The following USP16 variants were observed in gnomAD, a reference collection of about 807,000 sequenced individuals.
USP16 encodes ubiquitin specific peptidase 16.
In USP16, 77 loss-of-function variants were observed where a neutral mutation model predicts 95.9. The observed-to-expected ratio is 0.80, with a 90% CI of 0.67 to 0.97. The LOEUF (loss-of-function observed/expected upper bound fraction) is 0.97, where lower values mean the gene tolerates loss of function less well. USP16 is among the 50% of genes least tolerant of loss of function. The pLI is 0.00. For synonymous variants in USP16, 303 were observed against 318.2 expected (o/e 0.95, Z 0.51); for missense variants, 943 against 959.9 (o/e 0.98, Z 0.23).
At chr21:29,045,975 A>G (rs1482992962) in intron 13 of USP16, among the ~76,000 whole-genome samples, 1 of 152,008 alleles carries the variant, frequency 6.6e-6, no homozygotes, top group East Asian at 1.9e-4. Context: ...TGTGCATTAC[A>G]GGCACGCCTG....
At chr21:29,046,313 T>G (rs2085322482) in intron 13 of USP16, among the ~76,000 whole-genome samples, 1 of 152,114 alleles carries the variant, frequency 6.6e-6, no homozygotes, top group Admixed American at 6.5e-5. Context: ...ATTTTTATTT[T>G]TATTTTTTTT....
At chr21:29,024,903 C>T in intron 1 of USP16, 126 bp downstream of exon 1, 1 of 1,027,420 alleles carries the variant, frequency 9.7e-7, no homozygotes. Flanking sequence ...CGTAACCCGG[C>T]TACTTTCCGG....
chr21:29,044,880 T>A (rs932337687), intron 13 of USP16, among the ~76,000 whole-genome samples: 1 of 152,196 alleles, frequency 6.6e-6, no homozygotes, highest in Admixed American at 6.5e-5. Flanking sequence ...TGGTGAGTGC[T>A]CTAGTGAATA....
intron 12 of USP16, chr21:29,043,199 T>G (rs944649566): frequency 3.2e-6 from 1 of 312,852 alleles, no homozygotes; most frequent in East Asian, 5.0e-5. Flanking sequence ...TTACATGTGA[T>G]GTTGCCTTTT....
Position 29,047,299 on chromosome 21 carries a change from T to A in USP16, c.1989T>A (p.Asn663Lys). Residue 663 changes from asparagine to lysine, a missense_variant, in exon 14 of 18, where the codon AAT (asparagine) becomes AAA (lysine). By Grantham distance (94) the Asn-to-Lys change is moderately conservative. Coordinates refer to ENST00000399976, the MANE Select transcript of USP16 (RefSeq NM_006447.3). The stretch of plus-strand genomic sequence containing the variant: ...AAGTATGCACACGGAGACAGTGTAA[T>A]GGACCAAAGGCAAATATAAAAGGTA... Reference protein sequence around the residue: ...LCEVCTRRQCNGPKANIKGER... With the variant: ...LCEVCTRRQCKGPKANIKGER... 1 of 1,609,934 alleles carries A rather than the reference T, an allele frequency of 6.2e-7. No individual in the cohort carries two copies. The highest frequency in any genetic ancestry group is 8.5e-7 in the Non-Finnish European group (1 of 1,178,408).
intron 13 of USP16, among the ~76,000 whole-genome samples, chr21:29,046,316 T>TC (rs2085322609): frequency 6.6e-6 from 1 of 151,062 alleles, no homozygotes; most frequent in African/African-American, 2.4e-5. Context: ...TTTATTTTTA[T>TC]TTTTTTTTAG....
At chr21:29,035,285 G>A (rs1356288262) in intron 4 of USP16, among the ~76,000 whole-genome samples, 1 of 151,964 alleles carries the variant, frequency 6.6e-6, no homozygotes, top group East Asian at 1.9e-4. Context: ...ATAAATGTCA[G>A]TCTGGTATGT....
intron 1 of USP16, chr21:29,026,425 C>A (rs1279222038): frequency 6.9e-6 from 1 of 145,594 alleles, no homozygotes; most frequent in South Asian, 2.2e-4. Context: ...CACTGCACTC[C>A]GGCCTGGGCG....
At chr21:29,033,797 A>G (rs1045262725) in intron 3 of USP16, among the ~76,000 whole-genome samples, 1 of 152,216 alleles carries the variant, frequency 6.6e-6, no homozygotes, top group Non-Finnish European at 1.5e-5. Context: ...GCCATGTTTT[A>G]TAGAATTTGT....
chr21:29,035,216 G>A (rs963760096), intron 4 of USP16, among the ~76,000 whole-genome samples: 1 of 151,992 alleles, frequency 6.6e-6, no homozygotes, highest in Non-Finnish European at 1.5e-5. Context: ...AGATAGGGAC[G>A]CTAAGAACAA....
intron 2 of USP16, 143 bp downstream of exon 2, chr21:29,028,117 C>A: frequency 3.4e-5 from 20 of 582,326 alleles, no homozygotes; most frequent in Admixed American, 7.4e-5. Flanking sequence ...ATTTAATAGT[C>A]TTCTACTTTT....
In USP16 at chr21:29,036,280, A is replaced by G. The variant is rs879249023; in HGVS notation, c.354A>G (p.Val118=). Residue 118 remains valine, a synonymous_variant, in exon 5 of 18, where the codon GTA becomes GTG. Coordinates refer to ENST00000399976, the MANE Select transcript of USP16 (RefSeq NM_006447.3). The part of the protein sequence containing the change: ...SLDNWSVWCY[V]CDNEVQYCSS... The stretch of plus-strand genomic sequence containing the variant: ...GATTTTTGGGTCACAGGTGTTACGT[A>G]TGTGATAATGAGGTCCAGTATTGTA... 6.2e-7 allele frequency: 1 copy of G among 1,609,930 alleles called. No individual in the cohort carries two copies. The highest frequency in any genetic ancestry group is 8.5e-7 in the Non-Finnish European group (1 of 1,177,602).
chr21:29,042,732 T>G, intron 12 of USP16: 1 of 488,836 alleles, frequency 2.0e-6, no homozygotes, highest in Non-Finnish European at 3.5e-6. Context: ...AGATGATGTA[T>G]TCAGAATTCT....
intron 11 of USP16, 51 bp downstream of exon 11, chr21:29,042,155 A>G (rs1308290524): frequency 1.3e-6 from 2 of 1,491,180 alleles, no homozygotes; most frequent in Admixed American, 3.8e-5. Context: ...TCAACAGTTT[A>G]TCAATTGTTT....
At chr21:29,025,959 A>G (rs893047374) in intron 1 of USP16, among the ~76,000 whole-genome samples, 1 of 152,248 alleles carries the variant, frequency 6.6e-6, no homozygotes, top group African/African-American at 2.4e-5. Flanking sequence ...ATTCACTAGA[A>G]TATGGGATAA....
intron 5 of USP16, 135 bp from the exon 6 acceptor site, chr21:29,037,141 A>G (rs2085169869): frequency 2.0e-6 from 1 of 502,762 alleles, no homozygotes; most frequent in African/African-American, 2.0e-5. Flanking sequence ...GTATCTATTT[A>G]AAATCAAATG....
Position 29,048,766 on chromosome 21 carries a change from A to G in USP16, c.2017A>G (p.Arg673Gly), listed in dbSNP as rs756358518. Residue 673 changes from arginine to glycine, a missense_variant, in exon 15 of 18, where the codon AGG (arginine) becomes GGG (glycine). By Grantham distance (125) the Arg-to-Gly change is moderately radical (BLOSUM62 -2). Transcript: ENST00000399976. The part of the protein sequence containing the change: ...NGPKANIKGE[R>G]KHVYTNAKKQ... ...AAATTTCTTCTTTTCTTTAGGTGAA[A>G]GGAAGCATGTTTACACCAATGCCAA... The G allele has an allele frequency of 1.9e-5, 30 of 1,612,874 alleles. No homozygotes were observed. The South Asian group carries it at 3.3e-4, about 18-fold the overall frequency.
At position 29,036,707 on chromosome 21, in the gene USP16, G is replaced by C. The variant is rs564832172; in HGVS notation, c.448+333G>C. Among the ~76,000 whole-genome samples the C allele has an allele frequency of 8.5e-5, 13 of 152,312 alleles. No homozygotes were observed. In the South Asian group the frequency reaches 2.7e-3, roughly 32 times the overall value. On this transcript the variant is annotated intron_variant, in intron 5 of 17. Transcript: ENST00000399976. ...GTAATAGCAAGATTTCAGTCTGTCT[G>C]CTGGGATAACATAAAGCATTTGTGA...
In USP16 at chr21:29,027,963, C is replaced by T; in HGVS notation, c.50C>T (p.Ser17Phe). 1.9e-6 allele frequency: 3 copies of T among 1,612,428 alleles called. No homozygotes were observed. Among genetic ancestry groups the T allele is most frequent in the Non-Finnish European group, 2.5e-6 (3 of 1,178,862 alleles). The change falls in exon 2 of 18, where the codon TCT becomes TTT. Residue 17 changes from serine (S) to phenylalanine (F), a missense_variant. Physicochemically the swap from Ser to Phe is radical, Grantham distance 155. Transcript: ENST00000399976. ...KGKTVPIDDS[S>F]ETLEPVCRHI... ...AAAACTGTTCCAATCGATGATTCCTCTGAAACTTTAGGTATATTTCATTGA... is the reference window on the plus strand; with the variant it reads ...AAAACTGTTCCAATCGATGATTCCTTTGAAACTTTAGGTATATTTCATTGA...
Sources: gnomAD v4.1 joint callset for allele counts (sites outside exome capture counted in the v4.1 genomes callset) on GRCh38, gnomAD v4.1.1 for gene constraint, MANE v1.5 for transcripts, NCBI Gene and HGNC (gene_info 2026-07-23, HGNC 2026-07-21) for gene names.